The following APBA1 variants were observed in gnomAD, a reference collection of about 807,000 sequenced individuals.
APBA1 encodes the protein amyloid beta precursor protein binding family A member 1, also known as amyloid-beta A4 precursor protein-binding family A member 1.
In APBA1, 55 loss-of-function variants were observed where a neutral mutation model predicts 86.6. The ratio of observed to expected loss-of-function variants is 0.64; its 90% CI spans 0.51 to 0.80. APBA1 has a LOEUF of 0.80. Among genes scored for constraint, APBA1 ranks in the 30% least tolerant of loss-of-function variants. APBA1 has a pLI of 0.00. For synonymous variants in APBA1, 511 were observed against 493.9 expected, an observed-to-expected ratio of 1.03 and a Z score of -0.46; for missense variants, 1,090 against 1,183.0, an observed-to-expected ratio of 0.92 and a Z score of 1.15.
At chr9:69,460,462 A>G (rs1378113007) in intron 5 of APBA1, among the ~76,000 whole-genome samples, 1 of 152,202 alleles carries the variant, frequency 6.6e-6, no homozygotes, top group African/African-American at 2.4e-5. Context: ...AATCTGCATA[A>G]CTGACAGCTG....
At chr9:69,594,810 G>C (rs1441783707) in intron 1 of APBA1, among the ~76,000 whole-genome samples, 1 of 152,086 alleles carries the variant, frequency 6.6e-6, no homozygotes, top group East Asian at 1.9e-4. Context: ...ACACTTTCTG[G>C]TGAAGAAGTG....
chr9:69,660,051 T>C (rs1485985108), intron 1 of APBA1, among the ~76,000 whole-genome samples: 1 of 152,120 alleles, frequency 6.6e-6, no homozygotes, highest in African/African-American at 2.4e-5. Context: ...TATTATAGAG[T>C]AACATATTGA....
chr9:69,531,517 C>T (rs1836433498), intron 1 of APBA1, among the ~76,000 whole-genome samples: 1 of 152,144 alleles, frequency 6.6e-6, no homozygotes, highest in Non-Finnish European at 1.5e-5. Flanking sequence ...GGGCCCCTCA[C>T]TGTCATTGCA....
chr9:69,560,148 A>G (rs1473318944), intron 1 of APBA1, among the ~76,000 whole-genome samples: 1 of 152,220 alleles, frequency 6.6e-6, no homozygotes. Context: ...CTCCAAATCA[A>G]ACAGCTGCCA....
chr9:69,584,057 GC>G (rs1821970250), intron 1 of APBA1, among the ~76,000 whole-genome samples: 1 of 152,220 alleles, frequency 6.6e-6, no homozygotes, highest in African/African-American at 2.4e-5. Flanking sequence ...AATCTCTCCA[GC>G]TGTGAGCCAC....
intron 1 of APBA1, among the ~76,000 whole-genome samples, chr9:69,523,506 T>C (rs1175992818): frequency 5.8e-5 from 2 of 34,534 alleles, no homozygotes; most frequent in African/African-American, 1.3e-4. Context: ...TGTATATATA[T>C]ATATATATAT....
chr9:69,549,950 G>T (rs1325455042), intron 1 of APBA1, among the ~76,000 whole-genome samples: 1 of 152,120 alleles, frequency 6.6e-6, no homozygotes, highest in Admixed American at 6.6e-5. Flanking sequence ...CTGGAGTCTG[G>T]TATACATAAT....
intron 1 of APBA1, among the ~76,000 whole-genome samples, chr9:69,651,676 A>C (rs575226277): frequency 4.0e-4 from 61 of 152,254 alleles, no homozygotes; most frequent in Non-Finnish European, 6.9e-4. Context: ...GGGTTTCGCC[A>C]TGTTGGCCAG....
intron 3 of APBA1, among the ~76,000 whole-genome samples, chr9:69,473,846 T>G (rs1835403543): frequency 6.6e-6 from 1 of 152,198 alleles, no homozygotes; most frequent in African/African-American, 2.4e-5. Context: ...GGTAGTAAAT[T>G]TTTTTAAAAA....
intron 2 of APBA1, among the ~76,000 whole-genome samples, chr9:69,477,140 G>A (rs1277706434): frequency 6.6e-6 from 1 of 152,154 alleles, no homozygotes; most frequent in Non-Finnish European, 1.5e-5. Context: ...AATAGGAACA[G>A]CTCCAGTCTA....
At chr9:69,570,365 G>A (rs1159320028) in intron 1 of APBA1, among the ~76,000 whole-genome samples, 1 of 152,150 alleles carries the variant, frequency 6.6e-6, no homozygotes, top group East Asian at 1.9e-4. Context: ...AAAATACAAA[G>A]AAGTCACAAT....
chr9:69,576,138 C>T (rs1383958761), intron 1 of APBA1, among the ~76,000 whole-genome samples: 1 of 152,160 alleles, frequency 6.6e-6, no homozygotes, highest in Non-Finnish European at 1.5e-5. Flanking sequence ...CAGAGAAATG[C>T]AAATCAAAAC....
intron 1 of APBA1, among the ~76,000 whole-genome samples, chr9:69,568,179 G>A (rs1837060562): frequency 6.6e-6 from 1 of 152,124 alleles, no homozygotes. Flanking sequence ...AGGGCTTCCT[G>A]AGAATGTCCC....
chr9:69,503,285 C>T lies in APBA1; in HGVS notation c.1200+12726G>A, dbSNP rs1464978961. Among the ~76,000 whole-genome samples the T allele has an allele frequency of 5.3e-5, 8 of 152,178 alleles. 1 individual carries two copies. The highest frequency in any genetic ancestry group is 7.4e-5 in the Non-Finnish European group (5 of 68,020). ...CATGAATATAATTTTAAAAGTCAAA[C>T]GATATCATGCAGTTTATGGCAAAAA... On this transcript the variant is annotated intron_variant, in intron 2 of 12. Transcript: ENST00000265381.
At chr9:69,669,848 G>T (rs1281203595) in intron 1 of APBA1, among the ~76,000 whole-genome samples, 1 of 152,152 alleles carries the variant, frequency 6.6e-6, no homozygotes, top group Non-Finnish European at 1.5e-5. Flanking sequence ...CGATTTTGCT[G>T]CTGTGTAATT....
chr9:69,645,489 G>A (rs550764531), intron 1 of APBA1, among the ~76,000 whole-genome samples: 8 of 152,328 alleles, frequency 5.3e-5, no homozygotes, highest in South Asian at 2.1e-4. Context: ...CAGGTTGGGC[G>A]AGGCAAGATC....
intron 1 of APBA1, among the ~76,000 whole-genome samples, chr9:69,653,210 A>G (rs1263862389): frequency 6.6e-6 from 1 of 152,180 alleles, no homozygotes; most frequent in African/African-American, 2.4e-5. Flanking sequence ...TAAAGACAAA[A>G]AAAAGGCCAT....
intron 1 of APBA1, among the ~76,000 whole-genome samples, chr9:69,590,734 T>C (rs1822112700): frequency 6.6e-6 from 1 of 152,104 alleles, no homozygotes; most frequent in South Asian, 2.1e-4. Flanking sequence ...TTTCTGGCCA[T>C]GTGCATACAC....
At chr9:69,472,064 T>C (rs923357779) in intron 3 of APBA1, among the ~76,000 whole-genome samples, 8 of 152,212 alleles carry the variant, frequency 5.3e-5, no homozygotes, top group Admixed American at 3.9e-4. Flanking sequence ...ACCAATGCTA[T>C]GATTATAGCT....
Sources: allele counts gnomAD v4.1 joint callset (sites outside exome capture counted in the v4.1 genomes callset), GRCh38; gene constraint gnomAD v4.1.1; transcripts MANE v1.5; gene names NCBI Gene and HGNC (gene_info 2026-07-23, HGNC 2026-07-21).